Variants in DNAAF9 observed in about 807,000 individuals in gnomAD.
The protein encoded by DNAAF9 is dynein axonemal assembly factor 9.
Under a neutral mutation model 167.0 loss-of-function variants are expected in DNAAF9, and 90 were observed. The ratio of observed to expected loss-of-function variants is 0.54; its 90% CI spans 0.45 to 0.64. The LOEUF is 0.64. Ranked by LOEUF, DNAAF9 falls within the 30% of genes least tolerant of loss-of-function variation. DNAAF9 has a pLI of 0.00. For missense variants in DNAAF9, 1,315 were observed against 1,442.2 expected, an observed-to-expected ratio of 0.91 and a Z score of 1.43; for synonymous variants, 491 against 508.8, an observed-to-expected ratio of 0.96 and a Z score of 0.47.
At position 3,292,094 on chromosome 20, in the gene DNAAF9, G is replaced by C. The variant is rs146471470; in HGVS notation, c.2239-1877C>G. Among the ~76,000 whole-genome samples the C allele has an allele frequency of 5.0e-3, 763 of 151,980 alleles. 7 individuals are homozygous for C. The highest frequency in any genetic ancestry group is 0.018 in the African/African-American group (732 of 41,422). Reference sequence around the variant, plus strand: ...GCTTACTACAACCTCCGCCTCCCGGGTTCACGCAATTCTCCTGTCTCAGCC... The same window carrying C: ...GCTTACTACAACCTCCGCCTCCCGGCTTCACGCAATTCTCCTGTCTCAGCC... On this transcript the variant is annotated intron_variant, in intron 25 of 36. Coordinates refer to ENST00000252032, the MANE Select transcript of DNAAF9 (RefSeq NM_001009984.3).
At chr20:3,393,585 C>T (rs971561618) in intron 1 of DNAAF9, among the ~76,000 whole-genome samples, 1 of 152,052 alleles carries the variant, frequency 6.6e-6, no homozygotes, top group Non-Finnish European at 1.5e-5. Context: ...TTTATTTAAC[C>T]AGCTGCTATG....
At chr20:3,380,885 G>A (rs1338967214) in intron 3 of DNAAF9, among the ~76,000 whole-genome samples, 1 of 152,232 alleles carries the variant, frequency 6.6e-6, no homozygotes, top group Non-Finnish European at 1.5e-5. Flanking sequence ...ATCCAGCATT[G>A]TAGTCACAGG....
Position 3,368,336 on chromosome 20 carries a change from C to A in DNAAF9, c.612+5712G>T, listed in dbSNP as rs138444950. Among the ~76,000 whole-genome samples, 6 of 151,990 alleles carry A rather than the reference C, an allele frequency of 3.9e-5. No homozygotes were observed. The East Asian group carries it at 1.2e-3, about 29-fold the overall frequency. ...TCAAGGGGCTCACATTGATTGTTTC[C>A]GTCTCTCAGGGAATCAGGATTCCTC... is the stretch of plus-strand genomic sequence containing the variant. On this transcript the variant is annotated intron_variant, in intron 6 of 36. Transcript: ENST00000252032.
chr20:3,287,112 G>A (rs2068865286), intron 27 of DNAAF9, among the ~76,000 whole-genome samples: 1 of 152,168 alleles, frequency 6.6e-6, no homozygotes, highest in African/African-American at 2.4e-5. Context: ...TCATGAGCTA[G>A]TCAGCCTATA....
chr20:3,273,537 G>C (rs1245776173), intron 29 of DNAAF9, among the ~76,000 whole-genome samples: 1 of 152,158 alleles, frequency 6.6e-6, no homozygotes, highest in Non-Finnish European at 1.5e-5. Flanking sequence ...ACAGTGGTGA[G>C]GGCAGGAGCA....
intron 1 of DNAAF9, among the ~76,000 whole-genome samples, chr20:3,401,171 T>C (rs2083977757): frequency 6.6e-6 from 1 of 152,132 alleles, no homozygotes; most frequent in African/African-American, 2.4e-5. Context: ...TTAATTAAAG[T>C]GCTTTCTCTA....
intron 26 of DNAAF9, among the ~76,000 whole-genome samples, chr20:3,288,811 C>G (rs1039300530): frequency 6.6e-6 from 1 of 152,294 alleles, no homozygotes; most frequent in East Asian, 1.9e-4. Flanking sequence ...CCTGTTCCAG[C>G]TGCATCTGAA....
intron 14 of DNAAF9, among the ~76,000 whole-genome samples, chr20:3,323,752 C>G (rs2069661517): frequency 6.6e-6 from 1 of 152,184 alleles, no homozygotes; most frequent in East Asian, 1.9e-4. Context: ...TCTGGGGAGG[C>G]TGAGTGGCCT....
At chr20:3,374,600 T>C (rs1445530360) in intron 5 of DNAAF9, among the ~76,000 whole-genome samples, 1 of 152,238 alleles carries the variant, frequency 6.6e-6, no homozygotes. Flanking sequence ...CAAGGTTTTT[T>C]CTTTTTGTTG....
At chr20:3,354,590 AG>A in intron 7 of DNAAF9, among the ~76,000 whole-genome samples, 1 of 152,352 alleles carries the variant, frequency 6.6e-6, no homozygotes, top group East Asian at 1.9e-4. Context: ...AATTCAGCAG[AG>A]GACTATTCTG....
intron 26 of DNAAF9, among the ~76,000 whole-genome samples, chr20:3,289,065 G>C (rs1237742009): frequency 6.6e-6 from 1 of 152,152 alleles, no homozygotes; most frequent in African/African-American, 2.4e-5. Context: ...TGGAATCTAA[G>C]CTGGGTGCAC....
chr20:3,386,751 C>T (rs1036045907), intron 1 of DNAAF9, among the ~76,000 whole-genome samples: 1 of 149,940 alleles, frequency 6.7e-6, no homozygotes, highest in Non-Finnish European at 1.5e-5. Context: ...AAAGAACTCT[C>T]AAAACTCAAT....
chr20:3,264,424 A>G lies in DNAAF9; in HGVS notation c.2873+14T>C, dbSNP rs762077196. 9 of 1,161,840 alleles carry G rather than the reference A, an allele frequency of 7.7e-6. No individual in the cohort carries two copies. The highest frequency in any genetic ancestry group is 4.0e-5 in the Admixed American group (2 of 49,684). 72.0% of individuals were successfully genotyped at this position (1,161,840 alleles called of 1,614,324 possible). A position where few individuals can be genotyped will look rare whatever the true frequency, so the allele number is the denominator to read the frequency against. On this transcript the variant is annotated intron_variant, in intron 31 of 36. Transcript: ENST00000252032. ...ACAAAAAAATCTTAGTTATTTTTCAATGATGATACTTGCCAGCCAGGATAC... is the reference window on the plus strand; with the variant it reads ...ACAAAAAAATCTTAGTTATTTTTCAGTGATGATACTTGCCAGCCAGGATAC...
chr20:3,260,644 T>G (rs556339270), intron 31 of DNAAF9, among the ~76,000 whole-genome samples: 62 of 152,254 alleles, frequency 4.1e-4, no homozygotes, highest in African/African-American at 1.5e-3. Flanking sequence ...CTCTCTTTTT[T>G]TTTGAGACAA....
intron 10 of DNAAF9, among the ~76,000 whole-genome samples, chr20:3,336,069 T>G (rs6051754): frequency 0.74 from 112,668 of 151,908 alleles, 42,018 homozygotes; most frequent in African/African-American, 0.82. Context: ...ATTGCAGTGA[T>G]TCAAGATTGA....
intron 1 of DNAAF9, among the ~76,000 whole-genome samples, chr20:3,393,304 G>T (rs6051832): frequency 1.3e-5 from 2 of 151,960 alleles, no homozygotes; most frequent in Admixed American, 1.3e-4. Context: ...CTTGAGTTCA[G>T]GAGTTCGAGA....
Position 3,259,986 on chromosome 20 carries a change from C to T in DNAAF9, c.2916G>A (p.Met972Ile), listed in dbSNP as rs2068351909. ...GGCCAAACCATACGCAGATCTGAAC[C>T]ATTAGGGGATAGACTGATCCAGCAT... ...KLNAGSVYPL[M>I]VQICVWFGRP... is the part of the protein sequence containing the mutation. The change falls in exon 32 of 37, where the codon ATG becomes ATA. Residue 972 changes from methionine (M) to isoleucine (I), a missense_variant. By Grantham distance (10) the Met-to-Ile change is conservative (BLOSUM62 1). Coordinates refer to ENST00000252032, the MANE Select transcript of DNAAF9 (RefSeq NM_001009984.3). 3 of 1,612,874 alleles carry T rather than the reference C, an allele frequency of 1.9e-6. No individual in the cohort carries two copies. The highest frequency in any genetic ancestry group is 2.5e-6 in the Non-Finnish European group (3 of 1,178,910).
chr20:3,319,262 C>CAAAAAA lies in DNAAF9; in HGVS notation c.1357-868_1357-863dup, dbSNP rs57727958. ...TGGGCAACGGACCGAGACCCCGTCT[C>CAAAAAA]AAAAAAAAAAAAAAAAAAAAAAAAA... On this transcript the variant is annotated intron_variant, in intron 16 of 36. Coordinates refer to ENST00000252032, the MANE Select transcript of DNAAF9 (RefSeq NM_001009984.3). 1.4e-3 allele frequency among the ~76,000 whole-genome samples: 59 copies of CAAAAAA among 41,548 alleles called. 5 individuals carry two copies. Among genetic ancestry groups the CAAAAAA allele is most frequent in the Admixed American group, 3.6e-3 (9 of 2,478 alleles). 27.3% of individuals were successfully genotyped at this position (41,548 alleles called of 152,430 possible).
intron 21 of DNAAF9, 103 bp downstream of exon 21, chr20:3,304,337 C>A (rs2069249107): frequency 1.4e-6 from 1 of 714,948 alleles, no homozygotes; most frequent in Non-Finnish European, 2.5e-6. Flanking sequence ...TCCTGACATA[C>A]TGCCCTGTGG....
Sources: gnomAD v4.1 joint callset for allele counts (sites outside exome capture counted in the v4.1 genomes callset) on GRCh38, gnomAD v4.1.1 for gene constraint, MANE v1.5 for transcripts, NCBI Gene and HGNC (gene_info 2026-07-23, HGNC 2026-07-21) for gene names.